Variants in SUMF1 observed in about 807,000 individuals in gnomAD.
SUMF1 encodes formylglycine-generating enzyme.
SUMF1 carries 48 observed loss-of-function variants against 47.6 expected under a neutral mutation model. That is an observed-to-expected ratio of 1.01 (90% confidence interval 0.80 to 1.28). The LOEUF (loss-of-function observed/expected upper bound fraction) is 1.28, where lower values mean the gene tolerates loss of function less well. Among genes scored for constraint, SUMF1 ranks in the 50% most tolerant of loss-of-function variants. The pLI, the probability that SUMF1 is intolerant of heterozygous loss-of-function variation, is 0.00. For missense variants in SUMF1, 571 were observed against 485.4 expected (o/e 1.18, Z -1.66); for synonymous variants, 230 against 192.1 (o/e 1.20, Z -1.63).
At chr3:4,454,878 A>G (rs1703102436) in intron 1 of SUMF1, among the ~76,000 whole-genome samples, 1 of 152,230 alleles carries the variant, frequency 6.6e-6, no homozygotes. Flanking sequence ...GGCAAATCCA[A>G]AGAGACACAA....
At chr3:4,200,015 G>C (rs1052550297) in intron 8 of SUMF1, among the ~76,000 whole-genome samples, 3 of 151,802 alleles carry the variant, frequency 2.0e-5, no homozygotes, top group African/African-American at 7.3e-5. Flanking sequence ...CCTATCTAAA[G>C]GTCACAACAT....
intron 8 of SUMF1, among the ~76,000 whole-genome samples, chr3:4,135,014 T>A (rs1030592011): frequency 6.6e-6 from 1 of 152,092 alleles, no homozygotes; most frequent in Non-Finnish European, 1.5e-5. Flanking sequence ...CAGGACCAGA[T>A]GGATTCACAG....
chr3:4,355,663 T>C (rs1688410), intron 8 of SUMF1, among the ~76,000 whole-genome samples: 100,134 of 151,548 alleles, frequency 0.66, 34,518 homozygotes, highest in African/African-American at 0.85. Flanking sequence ...TCCAAGCTAA[T>C]ATGCTAGAAA....
At position 4,456,676 on chromosome 3, in the gene SUMF1, G is replaced by GTA. The variant is rs1263106326; in HGVS notation, c.271-3629_271-3628dup. Among the ~76,000 whole-genome samples, 198 of 138,254 alleles carry GTA rather than the reference G, an allele frequency of 1.4e-3. 2 individuals are homozygous for GTA. Among genetic ancestry groups the GTA allele is most frequent in the Non-Finnish European group, 2.2e-3 (144 of 64,824 alleles). 90.7% of individuals were successfully genotyped at this position (138,254 alleles called of 152,430 possible). On this transcript the variant is annotated intron_variant, in intron 1 of 8. Transcript: ENST00000272902. ...TGTGTGTGTATATATATATATACGT[G>GTA]TATATATATATGTGTGTATATATAT...
chr3:4,124,921 G>A (rs1693623067), intron 8 of SUMF1, among the ~76,000 whole-genome samples: 1 of 151,946 alleles, frequency 6.6e-6, no homozygotes, highest in African/African-American at 2.4e-5. Flanking sequence ...TATAAAAAAT[G>A]CACTGACTGG....
At chr3:4,466,199 C>T (rs928224582) in intron 1 of SUMF1, among the ~76,000 whole-genome samples, 2 of 152,274 alleles carry the variant, frequency 1.3e-5, no homozygotes, top group African/African-American at 4.8e-5. Flanking sequence ...GCAACCTCCG[C>T]CTCCCGGGTT....
intron 7 of SUMF1, among the ~76,000 whole-genome samples, chr3:4,402,298 C>T (rs1229700249): frequency 1.3e-5 from 2 of 152,182 alleles, no homozygotes; most frequent in Non-Finnish European, 2.9e-5. Flanking sequence ...TCACCAATTG[C>T]TGCCATCCTT....
intron 8 of SUMF1, among the ~76,000 whole-genome samples, chr3:4,125,558 T>C (rs1693637336): frequency 6.6e-6 from 1 of 152,202 alleles, no homozygotes; most frequent in Non-Finnish European, 1.5e-5. Flanking sequence ...GAGAATGTCA[T>C]GAGAAATATT....
At chr3:4,381,631 C>T (rs1700507393) in intron 7 of SUMF1, among the ~76,000 whole-genome samples, 1 of 152,220 alleles carries the variant, frequency 6.6e-6, no homozygotes, top group Non-Finnish European at 1.5e-5. Context: ...CAGCATCAAG[C>T]ATTTATTCTG....
intron 8 of SUMF1, among the ~76,000 whole-genome samples, chr3:4,069,584 G>C (rs762653684): frequency 5.3e-5 from 8 of 152,108 alleles, no homozygotes; most frequent in Non-Finnish European, 1.2e-4. Context: ...ACATGTGTGG[G>C]AGTTTACTGA....
intron 6 of SUMF1, among the ~76,000 whole-genome samples, chr3:4,413,877 T>C (rs1400842000): frequency 6.6e-6 from 1 of 152,080 alleles, no homozygotes; most frequent in Non-Finnish European, 1.5e-5. Context: ...AAAAAATTTT[T>C]TTTTAAGATA....
intron 8 of SUMF1, 53 bp downstream of exon 8, chr3:4,376,277 A>C: frequency 6.2e-7 from 1 of 1,603,000 alleles, no homozygotes; most frequent in Non-Finnish European, 8.5e-7. Context: ...CAATGGATCC[A>C]TAAAACTGCT....
intron 1 of SUMF1, among the ~76,000 whole-genome samples, chr3:4,457,686 A>G (rs1010198050): frequency 3.3e-5 from 5 of 152,240 alleles, no homozygotes; most frequent in Admixed American, 2.0e-4. Flanking sequence ...CTGAATATCC[A>G]CATGTAGAAG....
intron 9 of SUMF1, among the ~76,000 whole-genome samples, chr3:4,034,602 G>C (rs1694759266): frequency 6.6e-6 from 1 of 152,090 alleles, no homozygotes; most frequent in Admixed American, 6.6e-5. Context: ...GCAAATTCAA[G>C]TTTGAGAAAC....
chr3:4,055,431 C>A (rs114604609), intron 9 of SUMF1, among the ~76,000 whole-genome samples: 2,444 of 152,106 alleles, frequency 0.016, 62 homozygotes, highest in African/African-American at 0.057. Flanking sequence ...ATTCCCACAA[C>A]CTTAGCAGCT....
At chr3:4,114,966 C>G (rs1187823339) in intron 8 of SUMF1, among the ~76,000 whole-genome samples, 1 of 152,042 alleles carries the variant, frequency 6.6e-6, no homozygotes, top group Non-Finnish European at 1.5e-5. Flanking sequence ...GGGCTCTTCC[C>G]TTCTGGCCTG....
intron 8 of SUMF1, among the ~76,000 whole-genome samples, chr3:4,152,369 C>T (rs547486686): frequency 1.3e-5 from 2 of 151,638 alleles, no homozygotes; most frequent in East Asian, 3.9e-4. Flanking sequence ...CTCACTGCAA[C>T]CTCCACCTCC....
Position 4,382,786 on chromosome 3 carries a change from T to C in SUMF1, c.955-6397A>G, listed in dbSNP as rs1352119445. ...TCCTTTGCAGGGACATGGATGAAGC[T>C]GGAAACCATCATTCTCAACAAACTA... is the stretch of plus-strand genomic sequence containing the variant. On this transcript the variant is annotated intron_variant, in intron 7 of 8. Coordinates refer to ENST00000272902, the MANE Select transcript of SUMF1 (RefSeq NM_182760.4). Among the ~76,000 whole-genome samples the C allele has an allele frequency of 2.3e-5, 3 of 127,900 alleles. No homozygotes were observed. In the East Asian group the frequency reaches 5.8e-4, roughly 25 times the overall value. 83.9% of individuals were successfully genotyped at this position (127,900 alleles called of 152,430 possible). A position where few individuals can be genotyped will look rare whatever the true frequency, so the allele number is the denominator to read the frequency against.
At chr3:4,244,919 A>T (rs1402641357) in intron 8 of SUMF1, among the ~76,000 whole-genome samples, 1 of 151,896 alleles carries the variant, frequency 6.6e-6, no homozygotes, top group African/African-American at 2.4e-5. Flanking sequence ...TATTTCTTGG[A>T]GGCTTCGTTC....
Sources: gnomAD v4.1 joint callset for allele counts (sites outside exome capture counted in the v4.1 genomes callset) on GRCh38, gnomAD v4.1.1 for gene constraint, MANE v1.5 for transcripts, NCBI Gene and HGNC (gene_info 2026-07-23, HGNC 2026-07-21) for gene names.